SEC61A2: variants seen among roughly 807,000 people sequenced by gnomAD.
SEC61A2 encodes the protein protein transport protein Sec61 subunit alpha isoform 2.
Under a neutral mutation model 59.9 loss-of-function variants are expected in SEC61A2, and 28 were observed. The observed-to-expected ratio is 0.47, with a 90% CI of 0.35 to 0.64. The LOEUF is 0.64. SEC61A2 is among the 30% of genes least tolerant of loss of function. The pLI, the probability that SEC61A2 is intolerant of heterozygous loss-of-function variation, is 0.01. For missense variants in SEC61A2, 340 were observed against 585.9 expected (o/e 0.58, Z 4.33); for synonymous variants, 202 against 214.4 (o/e 0.94, Z 0.50).
chr10:12,164,698 A>T lies in SEC61A2; in HGVS notation c.*244A>T, dbSNP rs369713840. Reference sequence around the variant, plus strand: ...ATCTAGTGTTGCCTGTAATGCTGGAAACCAGTGTATCTACCTTGCTGTGTT... The same window carrying T: ...ATCTAGTGTTGCCTGTAATGCTGGATACCAGTGTATCTACCTTGCTGTGTT... On this transcript the variant is annotated 3_prime_UTR_variant, in exon 12 of 12. Transcript: ENST00000298428. The surrounding 1 kb of genome is among the most constrained non-coding windows in gnomAD (Gnocchi z 7.3). 3 of 1,284,742 alleles carry T rather than the reference A, an allele frequency of 2.3e-6. No homozygotes were observed. In the African/African-American group the frequency reaches 4.7e-5, roughly 20 times the overall value. The allele number at this position is 1,284,742 out of a possible 1,614,324, so 79.6% of individuals were successfully genotyped here. A position where few individuals can be genotyped will look rare whatever the true frequency, so the allele number is the denominator to read the frequency against.
rs1834233461 is a variant in SEC61A2, at chr10:12,149,793, C to G, written c.353-59C>G. ...AGTGCTCGTGGTAAAGATGTTTTCT[C>G]TAGTCTTTTCTTGTCTTTGGTGGTA... is the stretch of plus-strand genomic sequence containing the variant. On this transcript the variant is annotated intron_variant, in intron 5 of 11. Transcript: ENST00000298428. This position sits in a 1 kb window ranked among gnomAD's most constrained non-coding sequence, Gnocchi z 5.2. The G allele has an allele frequency of 1.2e-6, 2 of 1,606,334 alleles. No individual in the cohort carries two copies. Among genetic ancestry groups the G allele is most frequent in the African/African-American group, 1.3e-5 (1 of 74,620 alleles).
intron 1 of SEC61A2, among the ~76,000 whole-genome samples, chr10:12,131,916 T>A (rs74656011): frequency 1 from 2,110 of 2,110 alleles, 1,055 homozygotes; most frequent in Non-Finnish European, 1. Flanking sequence ...AGGCTGGCCT[T>A]GAGCTCCTGA....
Position 12,145,723 on chromosome 10 carries a change from T to C in SEC61A2, c.220+2528T>C, listed in dbSNP as rs1834123576. ...TTCACGCTCGTGTGTGAGATGTGCC[T>C]CTCTCCAGCCTTGTTAGGATGTTGG... On this transcript the variant is annotated intron_variant, in intron 4 of 11. Transcript: ENST00000298428. The surrounding 1 kb of genome is among the most constrained non-coding windows in gnomAD (Gnocchi z 4.4). Among the ~76,000 whole-genome samples, 1 of 152,170 alleles carries C rather than the reference T, an allele frequency of 6.6e-6. No homozygotes were observed. Among genetic ancestry groups the C allele is most frequent in the Non-Finnish European group, 1.5e-5 (1 of 68,038 alleles).
intron 2 of SEC61A2, 56 bp from the exon 3 acceptor site, chr10:12,136,049 C>G: frequency 1.7e-6 from 2 of 1,193,374 alleles, no homozygotes; most frequent in Non-Finnish European, 2.5e-6. Flanking sequence ...TGCTGCCCCC[C>G]AAAAATTTGC....
At chr10:12,139,284 T>C (rs1833955556) in intron 3 of SEC61A2, among the ~76,000 whole-genome samples, 1 of 151,736 alleles carries the variant, frequency 6.6e-6, no homozygotes, top group Non-Finnish European at 1.5e-5. Context: ...ATTTTGTATT[T>C]CCACCAGCCG....
chr10:12,139,082 C>T (rs1003286400), intron 3 of SEC61A2, among the ~76,000 whole-genome samples: 1 of 152,138 alleles, frequency 6.6e-6, no homozygotes, highest in Non-Finnish European at 1.5e-5. Flanking sequence ...CTATCTCAGC[C>T]TCCTGAGTAG....
downstream of SEC61A2, chr10:12,166,515 A>T (rs936217209): frequency 1.0e-5 from 3 of 286,850 alleles, no homozygotes; most frequent in Admixed American, 1.4e-4. Flanking sequence ...CACTCATAAA[A>T]ATATCCTGGG....
chr10:12,157,817 C>T, intron 8 of SEC61A2, 91 bp from the exon 9 acceptor site: 1 of 1,229,262 alleles, frequency 8.1e-7, no homozygotes, highest in South Asian at 1.3e-5. Context: ...GTCTTTTCAT[C>T]CCCCGCACTG....
intron 2 of SEC61A2, among the ~76,000 whole-genome samples, chr10:12,135,193 A>G (rs1387127202): frequency 6.6e-6 from 1 of 151,940 alleles, no homozygotes; most frequent in East Asian, 1.9e-4. Context: ...ACAAATACTA[A>G]TGCATGCGGG....
At chr10:12,157,088 A>G in intron 8 of SEC61A2, 21 bp downstream of exon 8, 2 of 1,604,254 alleles carry the variant, frequency 1.2e-6, no homozygotes, top group Non-Finnish European at 1.7e-6. Flanking sequence ...CCTTTTCACC[A>G]AAGTAAGTGG....
In SEC61A2 at chr10:12,153,858, CTTAT is replaced by C. The variant is rs1371496374; in HGVS notation, c.463-1917_463-1914del. The C allele has an allele frequency of 6.0e-6, 9 of 1,509,538 alleles. No homozygotes were observed. The African/African-American group carries it at 1.1e-4, about 19-fold the overall frequency. The allele number at this position is 1,509,538 out of a possible 1,614,324, so 93.5% of individuals were successfully genotyped here. On this transcript the variant is annotated intron_variant, in intron 6 of 11. Transcript: ENST00000298428. The surrounding 1 kb of genome is among the most constrained non-coding windows in gnomAD (Gnocchi z 5.2). ...TGCCGTTGTGGAAGGTATTTCTCAC[CTTAT>C]TTGTTTATGTTTCATTCACGTGGTT...
intron 4 of SEC61A2, among the ~76,000 whole-genome samples, chr10:12,144,746 G>A (rs779490670): frequency 4.6e-5 from 7 of 152,154 alleles, no homozygotes; most frequent in Non-Finnish European, 1.0e-4. Flanking sequence ...TGTGCTTGGT[G>A]TGTTCAAAGA....
chr10:12,135,054 C>T (rs538646800), intron 2 of SEC61A2, among the ~76,000 whole-genome samples: 5 of 150,224 alleles, frequency 3.3e-5, no homozygotes, highest in East Asian at 3.9e-4. Flanking sequence ...TTTGCTGTTT[C>T]GAAAACCAAA....
At chr10:12,150,370 C>G (rs1301987859) in intron 6 of SEC61A2, among the ~76,000 whole-genome samples, 1 of 152,214 alleles carries the variant, frequency 6.6e-6, no homozygotes, top group African/African-American at 2.4e-5. Context: ...GTGTGTCAGC[C>G]TGTTCAGGTC....
At chr10:12,137,725 G>C (rs964118119) in intron 3 of SEC61A2, among the ~76,000 whole-genome samples, 1 of 152,100 alleles carries the variant, frequency 6.6e-6, no homozygotes, top group African/African-American at 2.4e-5. Flanking sequence ...AGGTCAAGGT[G>C]GCTGGGCATG....
chr10:12,141,039 A>G (rs1327268786), intron 3 of SEC61A2, among the ~76,000 whole-genome samples: 3 of 152,246 alleles, frequency 2.0e-5, no homozygotes, highest in Middle Eastern at 3.4e-3. Flanking sequence ...AGCTGGGATT[A>G]CAGGCACGAG....
Position 12,162,824 on chromosome 10 carries a change from TTTTAAC to T in SEC61A2, c.1244+539_1244+544del, listed in dbSNP as rs558732774. Among the ~76,000 whole-genome samples the T allele has an allele frequency of 1.8e-4, 27 of 152,290 alleles. No individual in the cohort carries two copies. The East Asian group carries it at 5.0e-3, about 28-fold the overall frequency. On this transcript the variant is annotated intron_variant, in intron 11 of 11. Coordinates refer to ENST00000298428, the MANE Select transcript of SEC61A2 (RefSeq NM_018144.4). The surrounding 1 kb of genome is among the most constrained non-coding windows in gnomAD (Gnocchi z 6.1). ...CCAACCACCAGCCCCAGACAGCCAC[TTTTAAC>T]TTTGTCTCTACAGATTTGCCTATTC... is the stretch of plus-strand genomic sequence containing the variant.
Position 12,155,750 on chromosome 10 carries a change from C to G in SEC61A2, c.463-28C>G. 1 of 1,613,556 alleles carries G rather than the reference C, an allele frequency of 6.2e-7. No homozygotes were observed. Among genetic ancestry groups the G allele is most frequent in the African/African-American group, 1.3e-5 (1 of 75,032 alleles). ...CCCTTTCTTGAGTTTGTTCTTGCTT[C>G]CGCTTACTTGCATTTCTTTCCCCAC... On this transcript the variant is annotated intron_variant, in intron 6 of 11. Coordinates refer to ENST00000298428, the MANE Select transcript of SEC61A2 (RefSeq NM_018144.4). The surrounding 1 kb of genome is among the most constrained non-coding windows in gnomAD (Gnocchi z 4.3).
chr10:12,133,214 G>T, intron 1 of SEC61A2, 27 bp from the exon 2 acceptor site: 1 of 1,094,912 alleles, frequency 9.1e-7, no homozygotes, highest in South Asian at 1.3e-5. Context: ...ATAATAATAG[G>T]AACATTTATT....
Sources: gnomAD v4.1 joint callset for allele counts (sites outside exome capture counted in the v4.1 genomes callset) on GRCh38, gnomAD v4.1.1 for gene constraint, Gnocchi (gnomAD v3.1) non-coding constraint, MANE v1.5 for transcripts, NCBI Gene and HGNC (gene_info 2026-07-23, HGNC 2026-07-21) for gene names.